Variants in NR2C2 observed in about 807,000 individuals in gnomAD.
NR2C2 encodes the protein Nuclear hormone receptor TR4.
In NR2C2, 6 loss-of-function variants were observed where a neutral mutation model predicts 62.9. The ratio of observed to expected loss-of-function variants is 0.10; its 90% CI spans 0.05 to 0.19. The LOEUF is 0.19. Ranked by LOEUF, NR2C2 falls within the 10% of genes least tolerant of loss-of-function variation. The pLI is 1.00. For missense variants in NR2C2, 479 were observed against 762.7 expected, an observed-to-expected ratio of 0.63 and a Z score of 4.38; for synonymous variants, 272 against 273.8, an observed-to-expected ratio of 0.99 and a Z score of 0.07.
chr3:15,009,925 G>A (rs993537712), intron 2 of NR2C2, among the ~76,000 whole-genome samples: 2 of 152,042 alleles, frequency 1.3e-5, no homozygotes, highest in African/African-American at 2.4e-5. Flanking sequence ...TCCAATCTCT[G>A]CCTCCATTGC....
chr3:14,982,472 T>C lies in NR2C2; in HGVS notation c.-39-21404T>C, dbSNP rs530685867. On this transcript the variant is annotated intron_variant, in intron 1 of 13. Coordinates refer to ENST00000425241, the MANE Select transcript of NR2C2 (RefSeq NM_001291694.2). Reference sequence around the variant, plus strand: ...TTGATCTCTTCATCATATTGAGTCTTCCGATCCATCATGGAAAATCTTTCA... The same window carrying C: ...TTGATCTCTTCATCATATTGAGTCTCCCGATCCATCATGGAAAATCTTTCA... 2.6e-5 allele frequency among the ~76,000 whole-genome samples: 4 copies of C among 152,354 alleles called. No homozygotes were observed. The South Asian group carries it at 8.3e-4, about 32-fold the overall frequency.
At position 14,989,771 on chromosome 3, in the gene NR2C2, A is replaced by T. The variant is rs1174361414; in HGVS notation, c.-39-14105A>T. Among the ~76,000 whole-genome samples, 5 of 151,678 alleles carry T rather than the reference A, an allele frequency of 3.3e-5. No homozygotes were observed. The East Asian group carries it at 9.7e-4, about 29-fold the overall frequency. ...AACATGGTGAAACCCCATCTCTACT[A>T]AAAATACAAAATTAGCAGGGTGTGG... On this transcript the variant is annotated intron_variant, in intron 1 of 13. Transcript: ENST00000425241.
chr3:14,956,415 G>C (rs184610614), intron 1 of NR2C2, among the ~76,000 whole-genome samples: 87 of 152,302 alleles, frequency 5.7e-4, no homozygotes, highest in African/African-American at 2.0e-3. Flanking sequence ...TTTGCAAGTA[G>C]TTATTAGGTA....
At position 14,971,517 on chromosome 3, in the gene NR2C2, C is replaced by G. The variant is rs529734028; in HGVS notation, c.-40+23611C>G. Reference sequence around the variant, plus strand: ...ATCTGTATACCCAGAAGTGGAATTGCTGGATCTTAGGTTTCTACATTTGAT... The same window carrying G: ...ATCTGTATACCCAGAAGTGGAATTGGTGGATCTTAGGTTTCTACATTTGAT... On this transcript the variant is annotated intron_variant, in intron 1 of 13. Transcript: ENST00000425241. Among the ~76,000 whole-genome samples the G allele has an allele frequency of 3.3e-5, 5 of 151,660 alleles. No individual in the cohort carries two copies. In the South Asian group the frequency reaches 6.2e-4, roughly 19 times the overall value.
intron 1 of NR2C2, among the ~76,000 whole-genome samples, chr3:15,003,170 C>T (rs185843342): frequency 8.0e-5 from 12 of 150,558 alleles, no homozygotes; most frequent in Non-Finnish European, 1.8e-4. Context: ...CAGCTGGTCT[C>T]GAACTCCTGA....
chr3:14,967,310 G>T, intron 1 of NR2C2, among the ~76,000 whole-genome samples: 2 of 150,850 alleles, frequency 1.3e-5, no homozygotes, highest in African/African-American at 2.4e-5. Context: ...CCAGCTTTTT[G>T]GTTTAATGGA....
At chr3:14,985,780 C>T (rs976639874) in intron 1 of NR2C2, among the ~76,000 whole-genome samples, 1 of 152,078 alleles carries the variant, frequency 6.6e-6, no homozygotes, top group Admixed American at 6.5e-5. Flanking sequence ...CAATTAGATG[C>T]ACATTTAAGT....
chr3:14,991,238 A>G (rs1177090013), intron 1 of NR2C2, among the ~76,000 whole-genome samples: 12 of 152,210 alleles, frequency 7.9e-5, no homozygotes, highest in African/African-American at 2.9e-4. Flanking sequence ...CTGGATATAT[A>G]TGTCATCAAG....
At chr3:14,998,794 A>G (rs2040903413) in intron 1 of NR2C2, among the ~76,000 whole-genome samples, 1 of 152,128 alleles carries the variant, frequency 6.6e-6, no homozygotes, top group South Asian at 2.1e-4. Flanking sequence ...GAAGGATCAC[A>G]TGAGCCAGGA....
intron 1 of NR2C2, among the ~76,000 whole-genome samples, chr3:15,002,714 A>G (rs1170707539): frequency 7.3e-6 from 1 of 136,962 alleles, no homozygotes; most frequent in Non-Finnish European, 1.5e-5. Context: ...GGTGGAGTAC[A>G]ATAGCATGAT....
At chr3:14,995,362 C>G (rs567663774) in intron 1 of NR2C2, among the ~76,000 whole-genome samples, 4 of 151,234 alleles carry the variant, frequency 2.6e-5, no homozygotes, top group Admixed American at 2.6e-4. Context: ...GCTCTCACCC[C>G]CCAGCCCTAG....
chr3:15,044,879 A>G lies in NR2C2; in HGVS notation c.*1871A>G, dbSNP rs1294786318. On this transcript the variant is annotated 3_prime_UTR_variant, in exon 14 of 14. Coordinates refer to ENST00000425241, the MANE Select transcript of NR2C2 (RefSeq NM_001291694.2). ...TACGCAAGTCAGTGTTAGTAGGGTA[A>G]GTGGGAACAGTGTTTCCAACTTCTA... The G allele has an allele frequency of 6.6e-6, 1 of 152,264 alleles. No individual in the cohort carries two copies. Among genetic ancestry groups the G allele is most frequent in the Admixed American group, 6.5e-5 (1 of 15,288 alleles). The allele number at this position is 152,264 out of a possible 1,614,324, so 9.4% of individuals were successfully genotyped here. A position where few individuals can be genotyped will look rare whatever the true frequency, so the allele number is the denominator to read the frequency against.
chr3:15,004,882 C>T (rs1370209822), intron 2 of NR2C2, among the ~76,000 whole-genome samples: 1 of 152,092 alleles, frequency 6.6e-6, no homozygotes, highest in African/African-American at 2.4e-5. Context: ...GGAGAATTAA[C>T]CCCTTTCTTG....
intron 1 of NR2C2, among the ~76,000 whole-genome samples, chr3:14,965,382 A>C (rs138730579): frequency 1.0e-3 from 158 of 152,022 alleles, no homozygotes; most frequent in African/African-American, 3.7e-3. Flanking sequence ...ATTCTTTAGG[A>C]AAGAGGTTAA....
chr3:14,951,893 G>GC (rs1287263637), intron 1 of NR2C2, among the ~76,000 whole-genome samples: 2 of 152,062 alleles, frequency 1.3e-5, no homozygotes, highest in African/African-American at 2.4e-5. Flanking sequence ...GACTACAGGT[G>GC]CCCGCCACCA....
intron 13 of NR2C2, among the ~76,000 whole-genome samples, chr3:15,042,242 AAAATG>A (rs1462651157): frequency 1.3e-5 from 2 of 152,208 alleles, no homozygotes; most frequent in Non-Finnish European, 2.9e-5. Context: ...AAGTTTCTTC[AAAATG>A]AAAGCTATTT....
chr3:15,046,434 A>G lies in NR2C2; in HGVS notation c.*3426A>G, dbSNP rs1262327242. On this transcript the variant is annotated 3_prime_UTR_variant, in exon 14 of 14. Coordinates refer to ENST00000425241, the MANE Select transcript of NR2C2 (RefSeq NM_001291694.2). Reference sequence around the variant, plus strand: ...TGTCTTACTTGTTTGGGGGATAGTTACGGCAAGGAGCAAAAAATTCTAAGG... The same window carrying G: ...TGTCTTACTTGTTTGGGGGATAGTTGCGGCAAGGAGCAAAAAATTCTAAGG... 3 of 152,242 alleles carry G rather than the reference A, an allele frequency of 2.0e-5. No homozygotes were observed. Among genetic ancestry groups the G allele is most frequent in the Admixed American group, 6.5e-5 (1 of 15,288 alleles). The allele number at this position is 152,242 out of a possible 1,614,324, so 9.4% of individuals were successfully genotyped here. A position where few individuals can be genotyped will look rare whatever the true frequency, so the allele number is the denominator to read the frequency against.
chr3:15,013,928 T>G (rs2041428571), intron 3 of NR2C2, 139 bp downstream of exon 3: 6 of 817,596 alleles, frequency 7.3e-6, no homozygotes, highest in African/African-American at 1.7e-5. Context: ...GGTTGCTGCT[T>G]TGGCCAAAGT....
chr3:15,044,972 T>A lies in NR2C2; in HGVS notation c.*1964T>A, dbSNP rs2042400676. 1.3e-5 allele frequency: 2 copies of A among 152,250 alleles called. No homozygotes were observed. The highest frequency in any genetic ancestry group is 6.5e-5 in the Admixed American group (1 of 15,292). The allele number at this position is 152,250 out of a possible 1,614,324, so 9.4% of individuals were successfully genotyped here. A position where few individuals can be genotyped will look rare whatever the true frequency, so the allele number is the denominator to read the frequency against. On this transcript the variant is annotated 3_prime_UTR_variant, in exon 14 of 14. Coordinates refer to ENST00000425241, the MANE Select transcript of NR2C2 (RefSeq NM_001291694.2). ...CTTGGCAGCAAATTTTGGAGAGTAG[T>A]GGGAGTGGCCATTATAAAATGATGG...
Sources: gnomAD v4.1 joint callset for allele counts (sites outside exome capture counted in the v4.1 genomes callset) on GRCh38, gnomAD v4.1.1 for gene constraint, MANE v1.5 for transcripts, NCBI Gene and HGNC (gene_info 2026-07-23, HGNC 2026-07-21) for gene names.